CLASP2: variants seen among roughly 807,000 people sequenced by gnomAD.
CLASP2 encodes CLIP-associating protein 2.
CLASP2 carries 47 observed loss-of-function variants against 194.4 expected under a neutral mutation model. The observed-to-expected ratio is 0.24, with a 90% CI of 0.19 to 0.31. CLASP2 has a LOEUF of 0.31. Ranked by LOEUF, CLASP2 falls within the 10% of genes least tolerant of loss-of-function variation. The pLI is 1.00. For synonymous variants in CLASP2, 619 were observed against 633.5 expected (o/e 0.98, Z 0.34); for missense variants, 1,445 against 1,823.6 (o/e 0.79, Z 3.78).
chr3:33,661,215 A>C (rs911573823), intron 7 of CLASP2, among the ~76,000 whole-genome samples: 1 of 152,220 alleles, frequency 6.6e-6, no homozygotes, highest in Non-Finnish European at 1.5e-5. Flanking sequence ...TACCAACTGT[A>C]ACCACATTGT....
At chr3:33,698,841 C>T (rs763195471) in intron 1 of CLASP2, among the ~76,000 whole-genome samples, 1 of 151,978 alleles carries the variant, frequency 6.6e-6, no homozygotes, top group East Asian at 1.9e-4. Flanking sequence ...TTATGAGACA[C>T]ACAAAAAAGC....
At chr3:33,520,502 G>A (rs1031476165) in intron 34 of CLASP2, among the ~76,000 whole-genome samples, 11 of 152,168 alleles carry the variant, frequency 7.2e-5, no homozygotes, top group Non-Finnish European at 5.9e-5. Context: ...ACATAGAGTG[G>A]TAATCAGGTG....
intron 8 of CLASP2, 194 bp downstream of exon 8, chr3:33,644,563 T>C: frequency 1.6e-6 from 1 of 643,684 alleles, no homozygotes; most frequent in Non-Finnish European, 2.8e-6. Flanking sequence ...ACATACATTC[T>C]TAGAGGAAAT....
chr3:33,538,909 A>C lies in CLASP2; in HGVS notation c.3438T>G (p.Ser1146=), dbSNP rs772432521. Residue 1146 remains serine, a synonymous_variant, in exon 33 of 39, where the codon TCT becomes TCG. Transcript: ENST00000682230. ...CTCTAAGAGAGCTATAAATATCTTC[A>C]GAGTTCATATTTTCTGTGTCATAAT... is the stretch of plus-strand genomic sequence containing the variant. ...AFDYDTENMN[S]EDIYSSLRGV... is the part of the protein sequence containing the mutation. 1 of 1,592,506 alleles carries C rather than the reference A, an allele frequency of 6.3e-7. No individual in the cohort carries two copies. Among genetic ancestry groups the C allele is most frequent in the South Asian group, 1.2e-5 (1 of 85,384 alleles).
chr3:33,571,777 T>C (rs2063828159), intron 25 of CLASP2, among the ~76,000 whole-genome samples: 1 of 152,156 alleles, frequency 6.6e-6, no homozygotes, highest in African/African-American at 2.4e-5. Context: ...CACTCCATCC[T>C]GGGTGACAAA....
intron 1 of CLASP2, among the ~76,000 whole-genome samples, chr3:33,711,698 T>C (rs892652598): frequency 6.6e-6 from 1 of 151,748 alleles, no homozygotes; most frequent in Non-Finnish European, 1.5e-5. Context: ...AATTATCCCA[T>C]CAAAAAGTGG....
chr3:33,637,642 T>C (rs1447949141), intron 8 of CLASP2, among the ~76,000 whole-genome samples: 3 of 152,196 alleles, frequency 2.0e-5, no homozygotes, highest in Non-Finnish European at 2.9e-5. Context: ...ACTTCAAAAC[T>C]AGCAGCACAC....
At chr3:33,715,532 G>T (rs968382951) in intron 1 of CLASP2, among the ~76,000 whole-genome samples, 1 of 151,938 alleles carries the variant, frequency 6.6e-6, no homozygotes, top group South Asian at 2.1e-4. Flanking sequence ...CATTGTATCT[G>T]CAATGCCTAG....
chr3:33,546,272 T>G (rs1056012231), intron 30 of CLASP2, among the ~76,000 whole-genome samples: 1 of 152,232 alleles, frequency 6.6e-6, no homozygotes, highest in Non-Finnish European at 1.5e-5. Context: ...ACCTGTATAA[T>G]GAACTAATCT....
chr3:33,671,361 C>CA (rs888035239), intron 6 of CLASP2, among the ~76,000 whole-genome samples: 19 of 151,372 alleles, frequency 1.3e-4, no homozygotes, highest in Non-Finnish European at 1.5e-4. Context: ...TTATAAAAGA[C>CA]AAAAAAAAGA....
intron 8 of CLASP2, among the ~76,000 whole-genome samples, chr3:33,636,465 C>T (rs1457748579): frequency 2.6e-5 from 4 of 151,734 alleles, no homozygotes; most frequent in Non-Finnish European, 5.9e-5. Context: ...AAAACTATAA[C>T]ACAATTCTCC....
At chr3:33,586,884 G>A (rs1032495860) in intron 21 of CLASP2, among the ~76,000 whole-genome samples, 9 of 152,084 alleles carry the variant, frequency 5.9e-5, no homozygotes, top group African/African-American at 2.2e-4. Context: ...GGGGCACTGT[G>A]TAAAGCAGGG....
intron 10 of CLASP2, among the ~76,000 whole-genome samples, chr3:33,622,963 C>T (rs190036069): frequency 2.6e-5 from 4 of 152,088 alleles, no homozygotes; most frequent in Admixed American, 6.6e-5. Flanking sequence ...TACATGCCAC[C>T]GTGCCTGGAT....
intron 12 of CLASP2, among the ~76,000 whole-genome samples, chr3:33,618,298 T>C (rs1006484884): frequency 7.2e-5 from 11 of 152,076 alleles, no homozygotes; most frequent in Admixed American, 7.2e-4. Flanking sequence ...AATTTAGACA[T>C]TAAAAAGAAT....
intron 1 of CLASP2, among the ~76,000 whole-genome samples, chr3:33,715,033 C>T (rs1016086955): frequency 6.6e-6 from 1 of 152,160 alleles, no homozygotes; most frequent in Non-Finnish European, 1.5e-5. Flanking sequence ...TTCTTAACAC[C>T]TCACTCATTT....
chr3:33,619,010 T>A (rs1387985402), intron 12 of CLASP2, among the ~76,000 whole-genome samples: 3 of 152,186 alleles, frequency 2.0e-5, no homozygotes, highest in Admixed American at 6.5e-5. Context: ...ACCTAGGCTA[T>A]ATGTTAAGGC....
chr3:33,535,275 T>C lies in CLASP2; in HGVS notation c.3745A>G (p.Lys1249Glu). Residue 1249 changes from lysine to glutamate, a missense_variant, in exon 34 of 39, where the codon AAG becomes GAG. Lys to Glu is a moderately conservative substitution (Grantham distance 56, BLOSUM62 1). Coordinates refer to ENST00000682230, the MANE Select transcript of CLASP2 (RefSeq NM_001365631.1). Reference sequence around the variant, plus strand: ...GCATCATCATCAAACATGGCTTCCTTGAGGGCAGACTTGTTGAAGGGACTG... The same window carrying C: ...GCATCATCATCAAACATGGCTTCCTCGAGGGCAGACTTGTTGAAGGGACTG... The part of the protein sequence containing the change: ...SISPFNKSAL[K>E]EAMFDDDADQ... 6.2e-7 allele frequency: 1 copy of C among 1,613,988 alleles called. No individual in the cohort carries two copies. Among genetic ancestry groups the C allele is most frequent in the Non-Finnish European group, 8.5e-7 (1 of 1,179,860 alleles).
chr3:33,622,955 C>T lies in CLASP2; in HGVS notation c.1036-675G>A, dbSNP rs1385035047. On this transcript the variant is annotated intron_variant, in intron 10 of 38. Transcript: ENST00000682230. ...TTCCCAGTAGCTGGGATTACAGATA[C>T]ATGCCACCGTGCCTGGATAATTTTT... Among the ~76,000 whole-genome samples the T allele has an allele frequency of 2.0e-5, 3 of 151,956 alleles. No homozygotes were observed. In the East Asian group the frequency reaches 5.8e-4, roughly 29 times the overall value.
chr3:33,704,885 G>T (rs2092597717), intron 1 of CLASP2, among the ~76,000 whole-genome samples: 1 of 152,060 alleles, frequency 6.6e-6, no homozygotes, highest in South Asian at 2.1e-4. Flanking sequence ...CTAGGAAAAT[G>T]GAAAATGTCA....
Sources: gnomAD v4.1 joint callset for allele counts (sites outside exome capture counted in the v4.1 genomes callset) on GRCh38, gnomAD v4.1.1 for gene constraint, MANE v1.5 for transcripts, NCBI Gene and HGNC (gene_info 2026-07-23, HGNC 2026-07-21) for gene names.